METAP1D: variants seen among roughly 807,000 people sequenced by gnomAD.
METAP1D encodes methionyl aminopeptidase type 1D, mitochondrial.
A neutral mutation model predicts 40.5 loss-of-function variants in METAP1D; 31 were observed. That is an observed-to-expected ratio of 0.77 (90% CI 0.58 to 1.03). The LOEUF (loss-of-function observed/expected upper bound fraction) is 1.03. METAP1D is among the 50% of genes least tolerant of loss of function. METAP1D has a pLI of 0.00. For synonymous variants in METAP1D, 151 were observed against 146.4 expected (o/e 1.03, Z -0.22); for missense variants, 411 against 420.7 (o/e 0.98, Z 0.20).
rs1339836848 is a variant in METAP1D at position 172,042,713 on chromosome 2, GTA to G, written c.41-18781_41-18780del. Among the ~76,000 whole-genome samples the G allele has an allele frequency of 1.1e-4, 2 of 18,000 alleles. 1 individual carries two copies. The highest frequency in any genetic ancestry group is 7.1e-3 in the South Asian group (2 of 280). The allele number at this position is 18,000 out of a possible 152,430, so 11.8% of individuals were successfully genotyped here. A position where few individuals can be genotyped will look rare whatever the true frequency, so the allele number is the denominator to read the frequency against. ...TGTGTACACATATACGTGTGTGTGT[GTA>G]TATGTGTACACATATACGTGTGTGT... is the stretch of plus-strand genomic sequence containing the variant. On this transcript the variant is annotated intron_variant, in intron 1 of 9. Transcript: ENST00000315796.
At chr2:172,041,723 AT>A (rs1230722166) in intron 1 of METAP1D, among the ~76,000 whole-genome samples, 2 of 25,450 alleles carry the variant, frequency 7.9e-5, no homozygotes, top group African/African-American at 1.1e-4. Context: ...TACTCTAATT[AT>A]TTTATATATA....
At chr2:172,016,275 CAAAAAAAAAA>C (rs1172458646) in intron 1 of METAP1D, among the ~76,000 whole-genome samples, 1 of 9,732 alleles carries the variant, frequency 1.0e-4, no homozygotes, top group East Asian at 9.1e-4. Flanking sequence ...GACCCTGTCT[CAAAAAAAAAA>C]AAAAAAAAAA....
intron 1 of METAP1D, among the ~76,000 whole-genome samples, chr2:172,054,383 G>T (rs1474853939): frequency 2.0e-5 from 3 of 152,078 alleles, no homozygotes; most frequent in Non-Finnish European, 4.4e-5. Flanking sequence ...GCTGGACGTG[G>T]TGGTGGGTGC....
intron 6 of METAP1D, among the ~76,000 whole-genome samples, chr2:172,071,903 T>G (rs1439330279): frequency 6.6e-6 from 1 of 152,192 alleles, no homozygotes; most frequent in Non-Finnish European, 1.5e-5. Flanking sequence ...ATGCTGCCTT[T>G]TTTTCTTCGT....
At chr2:172,065,024 A>C (rs1186278693) in intron 3 of METAP1D, among the ~76,000 whole-genome samples, 1 of 152,198 alleles carries the variant, frequency 6.6e-6, no homozygotes, top group African/African-American at 2.4e-5. Flanking sequence ...TATTTTAAAA[A>C]TTACATTTAT....
chr2:172,061,095 C>T (rs2105474490), intron 1 of METAP1D, among the ~76,000 whole-genome samples: 1 of 152,266 alleles, frequency 6.6e-6, no homozygotes, highest in Middle Eastern at 3.4e-3. Flanking sequence ...GGCAATTTGT[C>T]CGTGATTCTT....
At chr2:172,072,742 C>T (rs1267576472) in intron 6 of METAP1D, among the ~76,000 whole-genome samples, 4 of 151,956 alleles carry the variant, frequency 2.6e-5, no homozygotes, top group African/African-American at 9.7e-5. Context: ...GGCTCTCATT[C>T]TTTTTCCCCC....
At chr2:172,068,182 A>C (rs1690332703) in intron 5 of METAP1D, among the ~76,000 whole-genome samples, 1 of 152,124 alleles carries the variant, frequency 6.6e-6, no homozygotes, top group Non-Finnish European at 1.5e-5. Flanking sequence ...TCAGGAGTTC[A>C]AGACCAGCCT....
At chr2:172,024,756 G>GTA (rs1689086435) in intron 1 of METAP1D, among the ~76,000 whole-genome samples, 2 of 120,850 alleles carry the variant, frequency 1.7e-5, no homozygotes, top group African/African-American at 5.8e-5. Flanking sequence ...GATTGTGTGT[G>GTA]TGTGTGTGTG....
At chr2:172,066,167 C>A in intron 4 of METAP1D, 97 bp from the exon 5 acceptor site, 1 of 899,852 alleles carries the variant, frequency 1.1e-6, no homozygotes, top group Non-Finnish European at 1.7e-6. Context: ...ATCACTGCAT[C>A]CCATTGGGTT....
At chr2:172,070,143 TG>T (rs945325794) in intron 5 of METAP1D, among the ~76,000 whole-genome samples, 1 of 152,204 alleles carries the variant, frequency 6.6e-6, no homozygotes, top group African/African-American at 2.4e-5. Flanking sequence ...TGATTTATAA[TG>T]AATCTGGTAT....
rs754045939 is a variant in METAP1D at position 172,065,876 on chromosome 2, A to T, written c.497+124A>T. 1.1e-4 allele frequency: 115 copies of T among 1,044,094 alleles called. 1 individual carries two copies. In the Middle Eastern group the frequency reaches 1.8e-3, roughly 17 times the overall value. 64.7% of individuals were successfully genotyped at this position (1,044,094 alleles called of 1,614,324 possible). ...CACCGGTAAACTTCTGAAATTGATT[A>T]TGATAAAACAGAAATTTTGAAGTAT... On this transcript the variant is annotated intron_variant, in intron 4 of 9. Transcript: ENST00000315796.
chr2:172,026,111 C>T (rs1011639336), intron 1 of METAP1D, among the ~76,000 whole-genome samples: 1 of 152,084 alleles, frequency 6.6e-6, no homozygotes, highest in African/African-American at 2.4e-5. Context: ...AACATATTCC[C>T]ATGTTGCATT....
At chr2:172,005,283 C>G (rs908657689) in intron 1 of METAP1D, among the ~76,000 whole-genome samples, 1 of 151,436 alleles carries the variant, frequency 6.6e-6, no homozygotes, top group African/African-American at 2.4e-5. Context: ...TACATTGTAC[C>G]CAGTATGTTT....
intron 1 of METAP1D, among the ~76,000 whole-genome samples, chr2:172,054,188 T>C (rs1689948005): frequency 6.6e-6 from 1 of 152,006 alleles, no homozygotes; most frequent in Non-Finnish European, 1.5e-5. Context: ...GGCCAATAAA[T>C]ATAGGGCATG....
At chr2:172,058,794 C>A (rs771119280) in intron 1 of METAP1D, among the ~76,000 whole-genome samples, 2 of 152,174 alleles carry the variant, frequency 1.3e-5, no homozygotes, top group Non-Finnish European at 2.9e-5. Context: ...TATTGCAGTC[C>A]ACTTTAAGGA....
At chr2:172,006,884 G>A (rs530934491) in intron 1 of METAP1D, among the ~76,000 whole-genome samples, 12 of 152,046 alleles carry the variant, frequency 7.9e-5, no homozygotes, top group South Asian at 2.1e-4. Context: ...ATTTTTTACC[G>A]TGTATCTCTA....
chr2:172,065,855 G>C lies in METAP1D; in HGVS notation c.497+103G>C, dbSNP rs555273487. On this transcript the variant is annotated intron_variant, in intron 4 of 9. Coordinates refer to ENST00000315796, the MANE Select transcript of METAP1D (RefSeq NM_199227.3). ...CACTATCATTCAATTGAAACCCACC[G>C]GTAAACTTCTGAAATTGATTATGAT... 1.1e-4 allele frequency: 130 copies of C among 1,228,432 alleles called. No individual in the cohort carries two copies. The South Asian group carries it at 1.8e-3, about 17-fold the overall frequency. 76.1% of individuals were successfully genotyped at this position (1,228,432 alleles called of 1,614,324 possible).
chr2:172,066,164 C>T lies in METAP1D; in HGVS notation c.498-100C>T, dbSNP rs1690273343. The stretch of plus-strand genomic sequence containing the variant: ...CCTCCTTCACTCCAAATTATCACTG[C>T]ATCCCATTGGGTTTGTGACAGTAGT... On this transcript the variant is annotated intron_variant, in intron 4 of 9. Coordinates refer to ENST00000315796, the MANE Select transcript of METAP1D (RefSeq NM_199227.3). 5.7e-6 allele frequency: 5 copies of T among 871,378 alleles called. No homozygotes were observed. The Admixed American group carries it at 1.2e-4, about 21-fold the overall frequency. 54.0% of individuals were successfully genotyped at this position (871,378 alleles called of 1,614,324 possible). A position where few individuals can be genotyped will look rare whatever the true frequency, so the allele number is the denominator to read the frequency against.
Sources: gnomAD v4.1 joint callset for allele counts (sites outside exome capture counted in the v4.1 genomes callset) on GRCh38, gnomAD v4.1.1 for gene constraint, MANE v1.5 for transcripts, NCBI Gene and HGNC (gene_info 2026-07-23, HGNC 2026-07-21) for gene names.